The following NMNAT1 variants were observed in gnomAD, a reference collection of about 807,000 sequenced individuals.
The protein encoded by NMNAT1 is nicotinamide nucleotide adenylyltransferase 1.
In NMNAT1, 11 loss-of-function variants were observed where a neutral mutation model predicts 16.7. That is an observed-to-expected ratio of 0.66 (90% confidence interval 0.41 to 1.09). The LOEUF (loss-of-function observed/expected upper bound fraction) is 1.09. Among genes scored for constraint, NMNAT1 ranks in the 50% least tolerant of loss-of-function variants. The pLI is 0.00. For synonymous variants in NMNAT1, 110 were observed against 119.8 expected (o/e 0.92, Z 0.53); for missense variants, 280 against 332.3 (o/e 0.84, Z 1.22).
intron 2 of NMNAT1, among the ~76,000 whole-genome samples, chr1:9,974,834 T>A (rs1641771076): frequency 6.6e-6 from 1 of 152,176 alleles, no homozygotes; most frequent in Non-Finnish European, 1.5e-5. Context: ...TCGATTTTTT[T>A]GTTACATAAA....
chr1:9,954,211 C>A (rs1485637563), intron 1 of NMNAT1, among the ~76,000 whole-genome samples: 1 of 151,792 alleles, frequency 6.6e-6, no homozygotes, highest in Non-Finnish European at 1.5e-5. Context: ...GAATAGAGAC[C>A]AACTCTGTGT....
At position 9,951,077 on chromosome 1, in the gene NMNAT1, A is replaced by G. The variant is rs544870630; in HGVS notation, c.-57+7562A>G. On this transcript the variant is annotated intron_variant, in intron 1 of 4. Transcript: ENST00000377205. Reference sequence around the variant, plus strand: ...GCACTCCAGCTTAAGCAACAAAGTGAGACTCTGTTTCAAAAAAAAAAAAAA... The same window carrying G: ...GCACTCCAGCTTAAGCAACAAAGTGGGACTCTGTTTCAAAAAAAAAAAAAA... 4.0e-5 allele frequency among the ~76,000 whole-genome samples: 6 copies of G among 150,798 alleles called. No homozygotes were observed. The East Asian group carries it at 7.8e-4, about 20-fold the overall frequency.
At chr1:9,981,867 C>CT (rs879454500) in intron 4 of NMNAT1, 240 of 146,528 alleles carry the variant, frequency 1.6e-3, no homozygotes, top group South Asian at 2.3e-3. Context: ...AACTGTCATT[C>CT]TTTTTTTTTT....
intron 2 of NMNAT1, chr1:9,972,451 GCTGCA>G (rs932553609): frequency 1.2e-5 from 3 of 252,264 alleles, no homozygotes; most frequent in African/African-American, 6.8e-5. Context: ...AGCTGAGATT[GCTGCA>G]CTGCACTCCA....
intron 1 of NMNAT1, among the ~76,000 whole-genome samples, chr1:9,959,758 A>G (rs1476965424): frequency 6.6e-6 from 1 of 152,120 alleles, no homozygotes; most frequent in African/African-American, 2.4e-5. Flanking sequence ...AAACTATTAA[A>G]TTCACCTTGA....
chr1:9,951,455 G>GT (rs372572948), intron 1 of NMNAT1, among the ~76,000 whole-genome samples: 11 of 134,516 alleles, frequency 8.2e-5, no homozygotes, highest in East Asian at 2.2e-4. Context: ...AACAGCTTCA[G>GT]TTTTTTTTTG....
At chr1:9,956,495 C>G (rs933593381) in intron 1 of NMNAT1, among the ~76,000 whole-genome samples, 2 of 147,976 alleles carry the variant, frequency 1.4e-5, no homozygotes, top group Non-Finnish European at 3.0e-5. Flanking sequence ...GATCTCAGCT[C>G]ACTGCAACCT....
chr1:9,988,745 T>C (rs963850838), downstream of NMNAT1, among the ~76,000 whole-genome samples: 4 of 151,290 alleles, frequency 2.6e-5, no homozygotes, highest in African/African-American at 9.7e-5. Flanking sequence ...TTTTTTTTTT[T>C]TTGAGATGGT....
the NMNAT1 span, among the ~76,000 whole-genome samples, chr1:9,995,292 A>G: frequency 6.6e-6 from 1 of 152,088 alleles, no homozygotes; most frequent in Non-Finnish European, 1.5e-5. Context: ...GTAGCTACTT[A>G]GAAGGCTGAG....
the NMNAT1 span, among the ~76,000 whole-genome samples, chr1:9,993,291 C>T: frequency 7.9e-5 from 12 of 151,910 alleles, no homozygotes; most frequent in Non-Finnish European, 1.6e-4. Flanking sequence ...TCAGCCTGAC[C>T]GATACGGTGA....
rs1642032941 is a variant in NMNAT1 at position 9,985,433 on chromosome 1, AGTT to A, written c.*2735_*2737del. On this transcript the variant is annotated 3_prime_UTR_variant, in exon 5 of 5. Coordinates refer to ENST00000377205, the MANE Select transcript of NMNAT1 (RefSeq NM_022787.4). ...TAAAATATTACTTTTCAAAGAATGA[AGTT>A]GTAGCCAAATCTTGAAATTTTTCAT... 6.6e-6 allele frequency: 1 copy of A among 152,178 alleles called. No individual in the cohort carries two copies. The highest frequency in any genetic ancestry group is 2.4e-5 in the African/African-American group (1 of 41,442). 9.4% of individuals were successfully genotyped at this position (152,178 alleles called of 1,614,324 possible). A position where few individuals can be genotyped will look rare whatever the true frequency, so the allele number is the denominator to read the frequency against.
chr1:9,954,296 A>G (rs1641196601), intron 1 of NMNAT1, among the ~76,000 whole-genome samples: 1 of 151,334 alleles, frequency 6.6e-6, no homozygotes, highest in South Asian at 2.1e-4. Flanking sequence ...TGCACCCTCC[A>G]CCTCCTGGGC....
downstream of NMNAT1, among the ~76,000 whole-genome samples, chr1:9,988,152 C>T (rs761440604): frequency 6.6e-6 from 1 of 151,914 alleles, no homozygotes; most frequent in African/African-American, 2.4e-5. Context: ...CGCACACCAC[C>T]GTGCCCAGCT....
chr1:9,951,332 ACTTTGT>A (rs1171115656), intron 1 of NMNAT1: 3 of 152,190 alleles, frequency 2.0e-5, no homozygotes, highest in Non-Finnish European at 4.4e-5. Flanking sequence ...TATGAGGAAT[ACTTTGT>A]CTTTTAATCA....
At chr1:9,958,476 G>A (rs2101659509) in intron 1 of NMNAT1, among the ~76,000 whole-genome samples, 1 of 145,662 alleles carries the variant, frequency 6.9e-6, no homozygotes, top group South Asian at 2.2e-4. Context: ...GTCTTGCTCT[G>A]TCACCCAGGC....
At chr1:9,989,456 TA>T (rs111250404), downstream of NMNAT1, among the ~76,000 whole-genome samples, 1,433 of 143,458 alleles carry the variant, frequency 1.0e-2, 15 homozygotes, top group Non-Finnish European at 0.015. Context: ...AAACTCAGTC[TA>T]AAAAAAAAAA....
downstream of NMNAT1, among the ~76,000 whole-genome samples, chr1:9,985,710 T>A (rs1642036910): frequency 6.6e-6 from 1 of 152,192 alleles, no homozygotes; most frequent in Non-Finnish European, 1.5e-5. Flanking sequence ...TCACCCAGGC[T>A]GGAGTGCAGT....
rs191080734 is a variant in NMNAT1, at chr1:9,978,341, G to A, written c.299+2566G>A. On this transcript the variant is annotated intron_variant, in intron 3 of 4. Coordinates refer to ENST00000377205, the MANE Select transcript of NMNAT1 (RefSeq NM_022787.4). ...ACTGCACTCCAGCCTGGGTGACAGA[G>A]TGAGACTCCGTCTCAAAAAAAAAGA... Among the ~76,000 whole-genome samples the A allele has an allele frequency of 4.5e-4, 69 of 152,300 alleles. No homozygotes were observed. In the East Asian group the frequency reaches 0.013, roughly 28 times the overall value.
In NMNAT1 at chr1:9,967,281, C is replaced by G. The variant is rs183950247; in HGVS notation, c.-56-4737C>G. 8.5e-5 allele frequency: 13 copies of G among 153,706 alleles called. No homozygotes were observed. In the East Asian group the frequency reaches 2.3e-3, roughly 27 times the overall value. The allele number at this position is 153,706 out of a possible 1,614,324, so 9.5% of individuals were successfully genotyped here. On this transcript the variant is annotated intron_variant, in intron 1 of 4. Coordinates refer to ENST00000377205, the MANE Select transcript of NMNAT1 (RefSeq NM_022787.4). ...ATTATTGAGTTGAAAAGAATTTTCT[C>G]AAGCCATTAATAATTGAAGGAAGAA...
Sources: gnomAD v4.1 joint callset for allele counts (sites outside exome capture counted in the v4.1 genomes callset) on GRCh38, gnomAD v4.1.1 for gene constraint, MANE v1.5 for transcripts, NCBI Gene and HGNC (gene_info 2026-07-23, HGNC 2026-07-21) for gene names.